The following PCDHGC3 variants were observed in gnomAD, a reference collection of about 807,000 sequenced individuals.
The protein encoded by PCDHGC3 is protocadherin gamma subfamily C, 3.
In PCDHGC3, 26 loss-of-function variants were observed where a neutral mutation model predicts 59.2. The observed-to-expected ratio is 0.44, with a 90% CI of 0.32 to 0.61. The LOEUF (loss-of-function observed/expected upper bound fraction) is 0.61. Among genes scored for constraint, PCDHGC3 ranks in the 20% least tolerant of loss-of-function variants. The pLI is 0.05. For missense variants in PCDHGC3, 1,080 were observed against 1,221.8 expected (o/e 0.88, Z 1.73); for synonymous variants, 487 against 519.7 (o/e 0.94, Z 0.86).
At position 141,478,409 on chromosome 5, in the gene PCDHGC3, G is replaced by A; in HGVS notation, c.2293G>A (p.Asp765Asn). The change falls in exon 1 of 4, where the codon GAC becomes AAC. Residue 765 changes from aspartate to asparagine, a missense_variant. Asp to Asn is a conservative substitution (Grantham distance 23, BLOSUM62 1). Coordinates refer to ENST00000308177, the MANE Select transcript of PCDHGC3 (RefSeq NM_002588.4). Reference sequence around the variant, plus strand: ...TTACCATCAGGTGTATCTCACCACGGACTCCCGCCGCAGCGACCCGCTGCT... The same window carrying A: ...TTACCATCAGGTGTATCTCACCACGAACTCCCGCCGCAGCGACCCGCTGCT... Reference protein sequence around the residue: ...HLYHQVYLTTDSRRSDPLLKK... With the variant: ...HLYHQVYLTTNSRRSDPLLKK... The A allele has an allele frequency of 6.2e-7, 1 of 1,613,016 alleles. No homozygotes were observed. Among genetic ancestry groups the A allele is most frequent in the South Asian group, 1.1e-5 (1 of 91,084 alleles).
rs769671283 is a variant in PCDHGC3, at chr5:141,511,391, C to T, written c.*218C>T. On this transcript the variant is annotated 3_prime_UTR_variant, in exon 4 of 4. Transcript: ENST00000308177. Reference sequence around the variant, plus strand: ...TGCAAAAGCAGTTCCGCTGGGAACCCCCATCCAATCAACTGCTGTACCCAT... The same window carrying T: ...TGCAAAAGCAGTTCCGCTGGGAACCTCCATCCAATCAACTGCTGTACCCAT... The T allele has an allele frequency of 6.4e-5, 69 of 1,079,630 alleles. No individual in the cohort carries two copies. The highest frequency in any genetic ancestry group is 1.5e-4 in the Admixed American group (5 of 34,354). 66.9% of individuals were successfully genotyped at this position (1,079,630 alleles called of 1,614,324 possible). A position where few individuals can be genotyped will look rare whatever the true frequency, so the allele number is the denominator to read the frequency against.
Position 141,486,772 on chromosome 5 carries a change from T to A in PCDHGC3, c.2431-8035T>A. ...ATGAGCAAACCCAGACACTGCAGTT[T>A]GAGGTGCAGGCCCGGGATCGGGGCA... is the stretch of plus-strand genomic sequence containing the variant. On this transcript the variant is annotated intron_variant, in intron 1 of 3. Coordinates refer to ENST00000308177, the MANE Select transcript of PCDHGC3 (RefSeq NM_002588.4). The surrounding 1 kb of genome is among the most constrained non-coding windows in gnomAD (Gnocchi z 5.0). 1 of 1,614,246 alleles carries A rather than the reference T, an allele frequency of 6.2e-7. No homozygotes were observed. Among genetic ancestry groups the A allele is most frequent in the South Asian group, 1.1e-5 (1 of 91,088 alleles).
In PCDHGC3 at chr5:141,477,868, C is replaced by T. The variant is rs1450078298; in HGVS notation, c.1752C>T (p.Thr584=). 2 of 1,613,750 alleles carry T rather than the reference C, an allele frequency of 1.2e-6. No individual in the cohort carries two copies. Among genetic ancestry groups the T allele is most frequent in the Admixed American group, 3.3e-5 (2 of 59,988 alleles). The change falls in exon 1 of 4, where the codon ACC becomes ACT. Residue 584 remains threonine, a synonymous_variant. Coordinates refer to ENST00000308177, the MANE Select transcript of PCDHGC3 (RefSeq NM_002588.4). This position sits in a 1 kb window ranked among gnomAD's most constrained non-coding sequence, Gnocchi z 4.9. ...CGGTGGAGATGCTGCCTCGAGGTAC[C>T]TCAGCTGGCCACCTAGTGTCACGGG... ...GSSVEMLPRG[T]SAGHLVSRVV...
chr5:141,511,276 T>C lies in PCDHGC3; in HGVS notation c.*103T>C. On this transcript the variant is annotated 3_prime_UTR_variant, in exon 4 of 4. Coordinates refer to ENST00000308177, the MANE Select transcript of PCDHGC3 (RefSeq NM_002588.4). ...AGAGTTTCAGGGCTAACCCCCAGAA[T>C]ACTGGTAGGGGCCAAGGCCATGCTC... 6.5e-7 allele frequency: 1 copy of C among 1,538,084 alleles called. No homozygotes were observed. Among genetic ancestry groups the C allele is most frequent in the Non-Finnish European group, 8.8e-7 (1 of 1,140,720 alleles).
intron 2 of PCDHGC3, among the ~76,000 whole-genome samples, chr5:141,499,102 C>T (rs1172661012): frequency 1.3e-5 from 2 of 152,170 alleles, no homozygotes; most frequent in Admixed American, 6.5e-5. Context: ...TGCTTCTCCT[C>T]CCCACCACTA....
chr5:141,490,467 C>T lies in PCDHGC3; in HGVS notation c.2431-4340C>T. ...AGAACCACTACTCGCTGCTAACCAG[C>T]CAGCCTTTGGACCGGGAGGCCACAT... is the stretch of plus-strand genomic sequence containing the variant. On this transcript the variant is annotated intron_variant, in intron 1 of 3. Transcript: ENST00000308177. This position sits in a 1 kb window ranked among gnomAD's most constrained non-coding sequence, Gnocchi z 5.4. The T allele has an allele frequency of 6.2e-7, 1 of 1,614,216 alleles. No individual in the cohort carries two copies. The highest frequency in any genetic ancestry group is 8.5e-7 in the Non-Finnish European group (1 of 1,180,040).
At position 141,486,883 on chromosome 5, in the gene PCDHGC3, C is replaced by G. The variant is rs1234866888; in HGVS notation, c.2431-7924C>G. The G allele has an allele frequency of 1.2e-6, 2 of 1,614,214 alleles. No individual in the cohort carries two copies. ...CTCCAGCTGTGCTCCGTCCTCGGGC[C>G]CGGCCTGGTTCCTTATGTCCCCAAG... On this transcript the variant is annotated intron_variant, in intron 1 of 3. Coordinates refer to ENST00000308177, the MANE Select transcript of PCDHGC3 (RefSeq NM_002588.4). The surrounding 1 kb of genome is among the most constrained non-coding windows in gnomAD (Gnocchi z 5.0).
Position 141,491,622 on chromosome 5 carries a change from C to T in PCDHGC3, c.2431-3185C>T, listed in dbSNP as rs980546113. 15 of 1,613,786 alleles carry T rather than the reference C, an allele frequency of 9.3e-6. No individual in the cohort carries two copies. Among genetic ancestry groups the T allele is most frequent in the Non-Finnish European group, 1.3e-5 (15 of 1,180,002 alleles). Reference sequence around the variant, plus strand: ...ACTTCACTTTTCTAAGACCCCTCAGCGTTCAGCAGCCCACAGCTCTGGCGC... The same window carrying T: ...ACTTCACTTTTCTAAGACCCCTCAGTGTTCAGCAGCCCACAGCTCTGGCGC... On this transcript the variant is annotated intron_variant, in intron 1 of 3. Transcript: ENST00000308177. This position sits in a 1 kb window ranked among gnomAD's most constrained non-coding sequence, Gnocchi z 6.9.
chr5:141,511,093 G>A lies in PCDHGC3; in HGVS notation c.2725G>A (p.Ala909Thr), dbSNP rs377350933. The change falls in exon 4 of 4, where the codon GCA (alanine) becomes ACA (threonine). Residue 909 changes from alanine to threonine, a missense_variant. Physicochemically the swap from Ala to Thr is moderately conservative, Grantham distance 58. Coordinates refer to ENST00000308177, the MANE Select transcript of PCDHGC3 (RefSeq NM_002588.4). Reference protein sequence around the residue: ...IPGSNATLTNAAGKRDGKAPA... With the variant: ...IPGSNATLTNTAGKRDGKAPA... ...AGGCAGCAATGCCACACTGACCAACGCAGCTGGCAAGCGGGATGGCAAGGC... is the reference window on the plus strand; with the variant it reads ...AGGCAGCAATGCCACACTGACCAACACAGCTGGCAAGCGGGATGGCAAGGC... 8 of 1,614,072 alleles carry A rather than the reference G, an allele frequency of 5.0e-6. No individual in the cohort carries two copies. Among genetic ancestry groups the A allele is most frequent in the African/African-American group, 4.0e-5 (3 of 74,916 alleles).
rs905837179 is a variant in PCDHGC3 at position 141,478,541 on chromosome 5, G to A, written c.2425G>A (p.Gly809Arg). Reference protein sequence around the residue: ...QVLGAESAPPGQQAPPNTDWR... With the variant: ...QVLGAESAPPRQQAPPNTDWR... ...GTTGGGTGCAGAGAGCGCCCCTCCCGGACAGGTAAGGTTTAGCAAGTCATG... is the reference window on the plus strand; with the variant it reads ...GTTGGGTGCAGAGAGCGCCCCTCCCAGACAGGTAAGGTTTAGCAAGTCATG... The change falls in exon 1 of 4, where the codon GGA becomes AGA. Residue 809 changes from glycine to arginine, a missense_variant. Gly to Arg is a moderately radical substitution (Grantham distance 125). Coordinates refer to ENST00000308177, the MANE Select transcript of PCDHGC3 (RefSeq NM_002588.4). 4 of 1,605,470 alleles carry A rather than the reference G, an allele frequency of 2.5e-6. No homozygotes were observed. The Admixed American group carries it at 5.2e-5, about 21-fold the overall frequency.
At chr5:141,482,755 T>TGAAGTGGGAG (rs1554165462) in intron 1 of PCDHGC3, among the ~76,000 whole-genome samples, 1 of 143,580 alleles carries the variant, frequency 7.0e-6, no homozygotes, top group South Asian at 2.1e-4. Context: ...GGGATTATGG[T>TGAAGTGGGAG]ATTTCATTAT....
chr5:141,497,396 C>T (rs2099776233), intron 2 of PCDHGC3, among the ~76,000 whole-genome samples: 1 of 152,116 alleles, frequency 6.6e-6, no homozygotes, highest in Middle Eastern at 3.2e-3. Flanking sequence ...CTTACCCCTG[C>T]CTCAACTCCC....
intron 2 of PCDHGC3, among the ~76,000 whole-genome samples, chr5:141,499,317 A>G (rs532848559): frequency 7.9e-5 from 12 of 152,354 alleles, no homozygotes; most frequent in Admixed American, 1.3e-4. Context: ...GAGAGACAGT[A>G]TCCCTGCTCT....
chr5:141,498,312 T>C (rs2099783060), intron 2 of PCDHGC3, among the ~76,000 whole-genome samples: 1 of 151,714 alleles, frequency 6.6e-6, no homozygotes, highest in Non-Finnish European at 1.5e-5. Context: ...TCACACTGCC[T>C]ACACAGAAGG....
rs146919978 is a variant in PCDHGC3, at chr5:141,489,268, G to A, written c.2431-5539G>A. 1,443 of 1,553,166 alleles carry A rather than the reference G, an allele frequency of 9.3e-4. 2 individuals are homozygous for A. The highest frequency in any genetic ancestry group is 1.2e-3 in the Non-Finnish European group (1,381 of 1,149,786). On this transcript the variant is annotated intron_variant, in intron 1 of 3. Transcript: ENST00000308177. The surrounding 1 kb of genome is among the most constrained non-coding windows in gnomAD (Gnocchi z 4.5). ...GGGGCCCAAGACACTCCCACAGCTCGCTGGGAAATGGCAAGTGCTGTGCAT... is the reference window on the plus strand; with the variant it reads ...GGGGCCCAAGACACTCCCACAGCTCACTGGGAAATGGCAAGTGCTGTGCAT...
At chr5:141,492,402 C>A (rs1254310448) in intron 1 of PCDHGC3, among the ~76,000 whole-genome samples, 1 of 152,232 alleles carries the variant, frequency 6.6e-6, no homozygotes, top group African/African-American at 2.4e-5. Flanking sequence ...TCGCAGCTCC[C>A]CTCTGCCGCT....
chr5:141,490,402 G>A lies in PCDHGC3; in HGVS notation c.2431-4405G>A. On this transcript the variant is annotated intron_variant, in intron 1 of 3. Coordinates refer to ENST00000308177, the MANE Select transcript of PCDHGC3 (RefSeq NM_002588.4). This position sits in a 1 kb window ranked among gnomAD's most constrained non-coding sequence, Gnocchi z 5.4. The stretch of plus-strand genomic sequence containing the variant: ...AGGTAGAAATGGTGAAGTGAGCCTT[G>A]ATATCTCTCCGGACCTGCCATTTCA... 6.2e-7 allele frequency: 1 copy of A among 1,614,182 alleles called. No homozygotes were observed. The highest frequency in any genetic ancestry group is 8.5e-7 in the Non-Finnish European group (1 of 1,180,024).
rs775312856 is a variant in PCDHGC3, at chr5:141,485,899, C to G, written c.2430+7353C>G. 1.9e-6 allele frequency: 3 copies of G among 1,614,166 alleles called. No homozygotes were observed. Among genetic ancestry groups the G allele is most frequent in the Non-Finnish European group, 2.5e-6 (3 of 1,180,032 alleles). ...ACGTAAACGACAACGCCCCAGCCTT[C>G]CAGCAATCCAGCTACAGGATTAGTG... On this transcript the variant is annotated intron_variant, in intron 1 of 3. Transcript: ENST00000308177. The surrounding 1 kb of genome is among the most constrained non-coding windows in gnomAD (Gnocchi z 5.7).
rs1417059875 is a variant in PCDHGC3 at position 141,496,499 on chromosome 5, G to C, written c.2489+1634G>C. 2.6e-5 allele frequency among the ~76,000 whole-genome samples: 4 copies of C among 152,102 alleles called. No individual in the cohort carries two copies. In the East Asian group the frequency reaches 7.7e-4, roughly 29 times the overall value. On this transcript the variant is annotated intron_variant, in intron 2 of 3. Coordinates refer to ENST00000308177, the MANE Select transcript of PCDHGC3 (RefSeq NM_002588.4). ...TCCTGCAACCAACCAAACCCTTGTT[G>C]CCACAAGGACCCAGGAGCCCTTGGT...
Sources: gnomAD v4.1 joint callset for allele counts (sites outside exome capture counted in the v4.1 genomes callset) on GRCh38, gnomAD v4.1.1 for gene constraint, Gnocchi (gnomAD v3.1) non-coding constraint, MANE v1.5 for transcripts, NCBI Gene and HGNC (gene_info 2026-07-23, HGNC 2026-07-21) for gene names.